Variants in PLCE1 observed in about 807,000 individuals in gnomAD.
PLCE1 encodes the protein phospholipase C epsilon 1, also known as 1-phosphatidylinositol 4,5-bisphosphate phosphodiesterase epsilon-1.
A neutral mutation model predicts 242.8 loss-of-function variants in PLCE1; 119 were observed. The observed-to-expected ratio is 0.49, with a 90% confidence interval of 0.42 to 0.57. The LOEUF (loss-of-function observed/expected upper bound fraction) is 0.57, where lower values mean the gene tolerates loss of function less well. Ranked by LOEUF, PLCE1 falls within the 20% of genes least tolerant of loss-of-function variation. PLCE1 has a pLI of 0.00. For synonymous variants in PLCE1, 945 were observed against 1,017.4 expected (o/e 0.93, Z 1.35); for missense variants, 2,441 against 2,788.8 (o/e 0.88, Z 2.81).
intron 22 of PLCE1, chr10:94,287,072 A>G (rs2052475735): frequency 6.6e-6 from 1 of 152,238 alleles, no homozygotes; most frequent in Non-Finnish European, 1.5e-5. Context: ...CTGTACCAGT[A>G]GAGAATCGTG....
intron 27 of PLCE1, among the ~76,000 whole-genome samples, chr10:94,310,975 C>G (rs926462130): frequency 6.6e-6 from 1 of 152,174 alleles, no homozygotes; most frequent in African/African-American, 2.4e-5. Context: ...TCCTCAGATT[C>G]AAGAGTTTGC....
intron 2 of PLCE1, among the ~76,000 whole-genome samples, chr10:94,117,948 A>G (rs542928872): frequency 3.3e-5 from 5 of 152,336 alleles, no homozygotes; most frequent in African/African-American, 9.6e-5. Context: ...TCTTTTCACC[A>G]AAACACTGTC....
intron 24 of PLCE1, among the ~76,000 whole-genome samples, chr10:94,301,135 A>C (rs991793631): frequency 6.6e-6 from 1 of 152,076 alleles, no homozygotes; most frequent in African/African-American, 2.4e-5. Flanking sequence ...ACCTGAGGTC[A>C]GGAGTTCAAG....
intron 4 of PLCE1, among the ~76,000 whole-genome samples, chr10:94,220,918 GC>G (rs2049720715): frequency 6.6e-6 from 1 of 152,168 alleles, no homozygotes; most frequent in Non-Finnish European, 1.5e-5. Flanking sequence ...GCCGGGCTCC[GC>G]CACTACACCG....
intron 2 of PLCE1, chr10:94,099,984 A>G (rs1046732985): frequency 1.3e-5 from 2 of 152,162 alleles, no homozygotes; most frequent in African/African-American, 4.8e-5. Flanking sequence ...TGCCATTAAG[A>G]AGACTGTGTG....
At chr10:94,292,278 A>G (rs566655784) in intron 22 of PLCE1, among the ~76,000 whole-genome samples, 9 of 152,320 alleles carry the variant, frequency 5.9e-5, no homozygotes, top group African/African-American at 2.2e-4. Flanking sequence ...ACTACTAAGT[A>G]TGGACAAGTT....
chr10:94,186,130 G>A (rs1300465321), intron 4 of PLCE1, among the ~76,000 whole-genome samples: 9 of 152,192 alleles, frequency 5.9e-5, no homozygotes, highest in African/African-American at 2.2e-4. Context: ...GTTCTCTTGA[G>A]GCTGGACATT....
chr10:94,242,932 G>A (rs2050558382), intron 7 of PLCE1, among the ~76,000 whole-genome samples: 1 of 152,204 alleles, frequency 6.6e-6, no homozygotes, highest in Non-Finnish European at 1.5e-5. Flanking sequence ...AAATGGGGGA[G>A]AAGAGATCCA....
At chr10:94,155,091 A>T (rs2136151590) in intron 3 of PLCE1, among the ~76,000 whole-genome samples, 1 of 152,066 alleles carries the variant, frequency 6.6e-6, no homozygotes, top group East Asian at 1.9e-4. Context: ...TCCAGATGCT[A>T]AACATAGGAG....
At chr10:94,161,839 T>G (rs901403805) in intron 3 of PLCE1, among the ~76,000 whole-genome samples, 2 of 152,172 alleles carry the variant, frequency 1.3e-5, no homozygotes, top group Non-Finnish European at 2.9e-5. Flanking sequence ...CATCAATACC[T>G]AATTTATTGA....
At position 94,227,320 on chromosome 10, in the gene PLCE1, G is replaced by A. The variant is rs1321026437; in HGVS notation, c.1824G>A (p.Val608=). 1 of 1,614,122 alleles carries A rather than the reference G, an allele frequency of 6.2e-7. No individual in the cohort carries two copies. The highest frequency in any genetic ancestry group is 1.7e-5 in the Admixed American group (1 of 60,022). Residue 608 remains valine (V), a synonymous_variant, in exon 5 of 33, where the codon GTG becomes GTA. Transcript: ENST00000371380. ...GTGTTTTCCAGGTGAGCTCCTGGGTGACATGGCTGATCCTCACGGCAGGCT... is the reference window on the plus strand; with the variant it reads ...GTGTTTTCCAGGTGAGCTCCTGGGTAACATGGCTGATCCTCACGGCAGGCT... ...VMRFNEVSSW[V]TWLILTAGSM...
intron 32 of PLCE1, among the ~76,000 whole-genome samples, chr10:94,327,298 AAGTTTAG>A (rs2054060496): frequency 6.6e-6 from 1 of 152,054 alleles, no homozygotes; most frequent in African/African-American, 2.4e-5. Flanking sequence ...ATAAGAAAAG[AAGTTTAG>A]AGTTTAGGAC....
chr10:94,308,204 A>G (rs773370167), intron 26 of PLCE1, among the ~76,000 whole-genome samples: 18 of 152,212 alleles, frequency 1.2e-4, no homozygotes, highest in Non-Finnish European at 2.5e-4. Context: ...ATTATAACCA[A>G]TCTTCCATTG....
intron 1 of PLCE1, among the ~76,000 whole-genome samples, chr10:93,999,521 A>G (rs983164899): frequency 2.6e-5 from 4 of 152,172 alleles, no homozygotes; most frequent in African/African-American, 7.2e-5. Flanking sequence ...GGAAAATGCA[A>G]TGTTGGAATT....
chr10:94,077,626 G>A (rs1186727998), intron 2 of PLCE1, among the ~76,000 whole-genome samples: 1 of 151,960 alleles, frequency 6.6e-6, no homozygotes, highest in Non-Finnish European at 1.5e-5. Flanking sequence ...AAATTAGCCG[G>A]GCATGATGGC....
chr10:94,117,199 A>G (rs1025730531), intron 2 of PLCE1, among the ~76,000 whole-genome samples: 1 of 152,166 alleles, frequency 6.6e-6, no homozygotes, highest in African/African-American at 2.4e-5. Context: ...TCTTGAGAAG[A>G]GTGTGAGGAA....
At chr10:94,228,641 G>A (rs2050032608) in intron 5 of PLCE1, among the ~76,000 whole-genome samples, 1 of 152,112 alleles carries the variant, frequency 6.6e-6, no homozygotes, top group South Asian at 2.1e-4. Context: ...AGGTCCCTAG[G>A]TAGGGATTCT....
intron 4 of PLCE1, among the ~76,000 whole-genome samples, chr10:94,187,208 T>C (rs1175080472): frequency 6.6e-6 from 1 of 150,558 alleles, no homozygotes; most frequent in Non-Finnish European, 1.5e-5. Context: ...CTGCATCTAG[T>C]TGCAATATAA....
At chr10:94,069,184 A>G (rs2044281973) in intron 2 of PLCE1, among the ~76,000 whole-genome samples, 1 of 152,232 alleles carries the variant, frequency 6.6e-6, no homozygotes, top group Non-Finnish European at 1.5e-5. Flanking sequence ...CCACCATATC[A>G]GGCTGCTTTC....
Sources: gnomAD v4.1 joint callset for allele counts (sites outside exome capture counted in the v4.1 genomes callset) on GRCh38, gnomAD v4.1.1 for gene constraint, MANE v1.5 for transcripts, NCBI Gene and HGNC (gene_info 2026-07-23, HGNC 2026-07-21) for gene names.